The following NF1 variants were observed in gnomAD, a reference collection of about 807,000 sequenced individuals.
The protein encoded by NF1 is neurofibromin 1, also known as neurofibromin.
In NF1, 122 loss-of-function variants were observed where a neutral mutation model predicts 325.7. That is an observed-to-expected ratio of 0.37 (90% CI 0.32 to 0.44). The LOEUF (loss-of-function observed/expected upper bound fraction) is 0.44. Among genes scored for constraint, NF1 ranks in the 20% least tolerant of loss-of-function variants. NF1 has a pLI of 1.00. For missense variants in NF1, 2,140 were observed against 3,415.4 expected, an observed-to-expected ratio of 0.63 and a Z score of 9.31; for synonymous variants, 1,091 against 1,186.0, an observed-to-expected ratio of 0.92 and a Z score of 1.65.
intron 16 of NF1, among the ~76,000 whole-genome samples, chr17:31,224,034 T>C (rs2066971552): frequency 6.6e-6 from 1 of 152,148 alleles, no homozygotes; most frequent in Admixed American, 6.5e-5. Context: ...CTCTGAGAAA[T>C]CGTAAAGACC....
intron 39 of NF1, among the ~76,000 whole-genome samples, chr17:31,332,678 C>T (rs1329072961): frequency 1.4e-4 from 7 of 50,146 alleles, no homozygotes; most frequent in African/African-American, 3.1e-4. Flanking sequence ...GCTGCACCCA[C>T]TACTGTGTCA....
intron 36 of NF1, among the ~76,000 whole-genome samples, chr17:31,283,727 A>G (rs1438933432): frequency 1.3e-5 from 2 of 152,310 alleles, no homozygotes; most frequent in East Asian, 3.9e-4. Context: ...CCTGGACTCA[A>G]ATGATCCACC....
chr17:31,302,159 A>G (rs1280523264), intron 36 of NF1, among the ~76,000 whole-genome samples: 1 of 152,212 alleles, frequency 6.6e-6, no homozygotes, highest in Non-Finnish European at 1.5e-5. Context: ...AAAAAAGACA[A>G]CATAAAAACC....
intron 5 of NF1, among the ~76,000 whole-genome samples, chr17:31,177,692 A>C (rs967019121): frequency 8.6e-5 from 13 of 152,028 alleles, no homozygotes; most frequent in African/African-American, 1.4e-4. Flanking sequence ...GATGGAGCTG[A>C]AAAATACAGC....
intron 34 of NF1, 28 bp from the exon 35 acceptor site, chr17:31,261,683 T>G (rs774929141): frequency 1.2e-6 from 2 of 1,611,870 alleles, no homozygotes; most frequent in Non-Finnish European, 1.7e-6. Context: ...ACTGCTAATT[T>G]TTTTTCTAAG....
At chr17:31,170,142 C>A (rs1018071972) in intron 5 of NF1, 145 bp downstream of exon 5, 2 of 623,238 alleles carry the variant, frequency 3.2e-6, no homozygotes, top group Non-Finnish European at 5.7e-6. Context: ...ACCAGTAATA[C>A]AAATGGGTAA....
chr17:31,265,307 T>C lies in NF1; in HGVS notation c.4803T>C (p.Ala1601=), dbSNP rs148662566. 20 of 1,612,974 alleles carry C rather than the reference T, an allele frequency of 1.2e-5. No individual in the cohort carries two copies. The African/African-American group carries it at 2.5e-4, about 20-fold the overall frequency. Residue 1601 remains alanine (A), a synonymous_variant, in exon 36 of 58, where the codon GCT becomes GCC. Coordinates refer to ENST00000358273, the MANE Select transcript of NF1 (RefSeq NM_001042492.3). ...SIFYQAGTSK[A]GNPIFYYVAR... ...TCTACCAAGCTGGGACTTCCAAAGC[T>C]GGGAATCCTATTTTTTATTATGTTG... is the stretch of plus-strand genomic sequence containing the variant.
chr17:31,293,103 G>A (rs1266682711), intron 36 of NF1, among the ~76,000 whole-genome samples: 2 of 146,882 alleles, frequency 1.4e-5, no homozygotes, highest in East Asian at 4.0e-4. Flanking sequence ...GCTTGAACCT[G>A]GGAGGGGGAG....
intron 38 of NF1, 54 bp from the exon 39 acceptor site, chr17:31,330,242 G>T (rs2151544217): frequency 6.7e-7 from 1 of 1,495,584 alleles, no homozygotes; most frequent in Non-Finnish European, 9.3e-7. Flanking sequence ...AAAAAATTTT[G>T]GAACTATAAG....
intron 43 of NF1, 78 bp from the exon 44 acceptor site, chr17:31,337,741 G>A (rs2151557034): frequency 1.3e-6 from 2 of 1,498,844 alleles, no homozygotes; most frequent in Non-Finnish European, 1.8e-6. Flanking sequence ...GTCACTTAAT[G>A]ACATCATAAT....
chr17:31,222,467 G>A (rs1206214429), intron 15 of NF1: 3 of 1,031,068 alleles, frequency 2.9e-6, no homozygotes. Flanking sequence ...GGAGGAAAAT[G>A]TAAATGTGTA....
At chr17:31,179,834 C>A (rs1400406530) in intron 5 of NF1, among the ~76,000 whole-genome samples, 3 of 149,182 alleles carry the variant, frequency 2.0e-5, no homozygotes, top group Admixed American at 1.3e-4. Flanking sequence ...AAAAGATCAA[C>A]AAAATAAATA....
intron 1 of NF1, among the ~76,000 whole-genome samples, chr17:31,131,708 C>G (rs1187311805): frequency 1.3e-5 from 2 of 152,162 alleles, no homozygotes; most frequent in African/African-American, 2.4e-5. Context: ...TGTAAACTTG[C>G]TGATATTTTG....
intron 8 of NF1, among the ~76,000 whole-genome samples, chr17:31,196,393 ATTTTT>A (rs2066434347): frequency 6.6e-6 from 1 of 151,902 alleles, no homozygotes; most frequent in Admixed American, 6.6e-5. Context: ...ATTTTATTTT[ATTTTT>A]TAGTTATAGG....
At chr17:31,177,237 T>G (rs1417352000) in intron 5 of NF1, among the ~76,000 whole-genome samples, 1 of 152,186 alleles carries the variant, frequency 6.6e-6, no homozygotes, top group African/African-American at 2.4e-5. Context: ...GCAGCAATCT[T>G]TGTTGTTCCG....
chr17:31,216,934 A>C (rs182636869), intron 13 of NF1, among the ~76,000 whole-genome samples: 4 of 152,278 alleles, frequency 2.6e-5, no homozygotes. Context: ...TTGTCACTGC[A>C]CTAAGGAAGC....
intron 7 of NF1, among the ~76,000 whole-genome samples, chr17:31,182,230 A>G (rs2066151003): frequency 1.3e-5 from 2 of 152,208 alleles, no homozygotes; most frequent in Admixed American, 1.3e-4. Context: ...GGTACATCAC[A>G]CTTTGCATAA....
intron 1 of NF1, among the ~76,000 whole-genome samples, chr17:31,131,117 G>C (rs1915350482): frequency 6.6e-6 from 1 of 152,238 alleles, no homozygotes; most frequent in African/African-American, 2.4e-5. Context: ...AGTTCCTCTA[G>C]GGCTAAAGTC....
Position 31,214,823 on chromosome 17 carries a change from C to T in NF1, c.1527+238C>T, listed in dbSNP as rs116149910. On this transcript the variant is annotated intron_variant, in intron 13 of 57. Coordinates refer to ENST00000358273, the MANE Select transcript of NF1 (RefSeq NM_001042492.3). ...AACATTTCTCTTTCTTCTTAATTTC[C>T]CTATCATTAAACTAACATACTTTGA... 3.1e-3 allele frequency among the ~76,000 whole-genome samples: 469 copies of T among 152,034 alleles called. 1 individual carries two copies. The highest frequency in any genetic ancestry group is 0.01 in the African/African-American group (435 of 41,454).
Sources: allele counts gnomAD v4.1 joint callset (sites outside exome capture counted in the v4.1 genomes callset), GRCh38; gene constraint gnomAD v4.1.1; transcripts MANE v1.5; gene names NCBI Gene and HGNC (gene_info 2026-07-23, HGNC 2026-07-21).